Variants in RSU1 observed in about 807,000 individuals in gnomAD.
RSU1 encodes Ras suppressor protein 1.
RSU1 carries 26 observed loss-of-function variants against 31.1 expected under a neutral mutation model. The ratio of observed to expected loss-of-function variants is 0.84; its 90% CI spans 0.61 to 1.16. The LOEUF (loss-of-function observed/expected upper bound fraction) is 1.16, where lower values mean the gene tolerates loss of function less well. Ranked by LOEUF, RSU1 falls within the 50% of genes most tolerant of loss-of-function variation. RSU1 has a pLI of 0.00. For missense variants in RSU1, 320 were observed against 339.1 expected, an observed-to-expected ratio of 0.94 and a Z score of 0.44; for synonymous variants, 164 against 136.3, an observed-to-expected ratio of 1.20 and a Z score of -1.41.
rs148629486 is a variant in RSU1, at chr10:16,807,078, G to A, written c.109+9895C>T. Among the ~76,000 whole-genome samples, 375 of 152,318 alleles carry A rather than the reference G, an allele frequency of 2.5e-3. 2 individuals are homozygous for A. Among genetic ancestry groups the A allele is most frequent in the African/African-American group, 8.6e-3 (359 of 41,574 alleles). ...GGGATTACAGCAGGCATGAGCCACT[G>A]CGCCCAGCCTCACTTACAGCTGTTA... On this transcript the variant is annotated intron_variant, in intron 2 of 8. Transcript: ENST00000345264.
chr10:16,599,444 CCTACAGGAGCCCA>C (rs1250484814), intron 8 of RSU1, among the ~76,000 whole-genome samples: 2 of 152,126 alleles, frequency 1.3e-5, no homozygotes, highest in African/African-American at 4.8e-5. Flanking sequence ...CCTGTCTGGC[CCTACAGGAGCCCA>C]CCACATCCTG....
At position 16,764,668 on chromosome 10, in the gene RSU1, T is replaced by G. The variant is rs1837277510; in HGVS notation, c.161-158A>C. On this transcript the variant is annotated intron_variant, in intron 3 of 8. Transcript: ENST00000345264. ...GTCTTATTTATTTTTTACAGGTTTTTCATAAGCAGTCACTCACTTCTGAGT... is the reference window on the plus strand; with the variant it reads ...GTCTTATTTATTTTTTACAGGTTTTGCATAAGCAGTCACTCACTTCTGAGT... Among the ~76,000 whole-genome samples, 3 of 152,328 alleles carry G rather than the reference T, an allele frequency of 2.0e-5. No homozygotes were observed. The South Asian group carries it at 6.2e-4, about 32-fold the overall frequency.
At chr10:16,809,001 T>TGA in intron 2 of RSU1, among the ~76,000 whole-genome samples, 1 of 152,264 alleles carries the variant, frequency 6.6e-6, no homozygotes, top group East Asian at 1.9e-4. Context: ...ATCTTGAACT[T>TGA]CCAGCCTCCA....
intron 7 of RSU1, among the ~76,000 whole-genome samples, chr10:16,713,406 T>TC (rs904338248): frequency 6.6e-6 from 1 of 152,200 alleles, no homozygotes; most frequent in East Asian, 1.9e-4. Context: ...TATTTTTTTT[T>TC]CCCTCTGACT....
chr10:16,694,687 C>T (rs940452325), intron 8 of RSU1, among the ~76,000 whole-genome samples: 5 of 152,128 alleles, frequency 3.3e-5, no homozygotes, highest in Non-Finnish European at 7.3e-5. Context: ...CCTCCCAACT[C>T]AGCCTCCAGA....
intron 2 of RSU1, among the ~76,000 whole-genome samples, chr10:16,814,801 A>G (rs1431899220): frequency 1.3e-5 from 2 of 150,680 alleles, no homozygotes; most frequent in African/African-American, 2.5e-5. Context: ...TCACCACCCA[A>G]TGTTATACCG....
At chr10:16,791,983 AC>A (rs1564359861) in intron 2 of RSU1, among the ~76,000 whole-genome samples, 1 of 152,200 alleles carries the variant, frequency 6.6e-6, no homozygotes, top group Non-Finnish European at 1.5e-5. Flanking sequence ...AATGGCACTT[AC>A]ATCCAGACAG....
At chr10:16,679,979 T>C (rs977614102) in intron 8 of RSU1, among the ~76,000 whole-genome samples, 3 of 150,132 alleles carry the variant, frequency 2.0e-5, no homozygotes, top group African/African-American at 7.4e-5. Flanking sequence ...CCTCCCAGGT[T>C]CAAGCGATTC....
At chr10:16,766,616 G>A (rs1588521562) in intron 3 of RSU1, among the ~76,000 whole-genome samples, 1 of 152,122 alleles carries the variant, frequency 6.6e-6, no homozygotes, top group South Asian at 2.1e-4. Context: ...TCGGGAAGCT[G>A]AGGCAGGAGA....
chr10:16,684,565 G>C (rs1835403621), intron 8 of RSU1, among the ~76,000 whole-genome samples: 2 of 152,148 alleles, frequency 1.3e-5, no homozygotes, highest in African/African-American at 4.8e-5. Flanking sequence ...ATGATGATGT[G>C]AAGCAGCACA....
intron 7 of RSU1, among the ~76,000 whole-genome samples, chr10:16,698,902 C>T (rs1588722461): frequency 1.3e-5 from 2 of 152,172 alleles, no homozygotes; most frequent in East Asian, 3.8e-4. Flanking sequence ...GGGTTACCCT[C>T]CCCACCCTCA....
intron 8 of RSU1, among the ~76,000 whole-genome samples, chr10:16,674,179 T>C (rs147181449): frequency 6.6e-6 from 1 of 152,260 alleles, no homozygotes; most frequent in Non-Finnish European, 1.5e-5. Context: ...GCCCCCGATA[T>C]TGCCCTTTAA....
Position 16,590,767 on chromosome 10 carries a change from A to C in RSU1, c.*2627T>G, listed in dbSNP as rs903984631. The C allele has an allele frequency of 1.3e-5, 2 of 152,134 alleles. No individual in the cohort carries two copies. The highest frequency in any genetic ancestry group is 1.3e-4 in the Admixed American group (2 of 15,278). The allele number at this position is 152,134 out of a possible 1,614,324, so 9.4% of individuals were successfully genotyped here. A position where few individuals can be genotyped will look rare whatever the true frequency, so the allele number is the denominator to read the frequency against. ...TAACTGCCTTAAAATAATTGTGTTCACCTCTATTTAATTTTTATGCACACG... is the reference window on the plus strand; with the variant it reads ...TAACTGCCTTAAAATAATTGTGTTCCCCTCTATTTAATTTTTATGCACACG... On this transcript the variant is annotated 3_prime_UTR_variant, in exon 9 of 9. Coordinates refer to ENST00000345264, the MANE Select transcript of RSU1 (RefSeq NM_012425.4).
At chr10:16,760,243 C>G (rs998504164) in intron 4 of RSU1, among the ~76,000 whole-genome samples, 1 of 152,218 alleles carries the variant, frequency 6.6e-6, no homozygotes, top group African/African-American at 2.4e-5. Flanking sequence ...GGCGCAGTGG[C>G]TCATGCCTGT....
At chr10:16,778,119 G>T (rs1837573674) in intron 3 of RSU1, among the ~76,000 whole-genome samples, 1 of 148,968 alleles carries the variant, frequency 6.7e-6, no homozygotes, top group South Asian at 2.1e-4. Flanking sequence ...CTCCTGGGTT[G>T]AAGTGATCCT....
intron 7 of RSU1, among the ~76,000 whole-genome samples, chr10:16,725,285 C>G (rs1276632416): frequency 6.6e-6 from 1 of 152,154 alleles, no homozygotes; most frequent in Non-Finnish European, 1.5e-5. Flanking sequence ...GTGGGCAACT[C>G]AAGTTAGCCC....
intron 8 of RSU1, among the ~76,000 whole-genome samples, chr10:16,638,347 C>T (rs766348085): frequency 3.9e-5 from 6 of 152,086 alleles, no homozygotes; most frequent in East Asian, 1.9e-4. Context: ...TTGTGTCTTA[C>T]GCAGATCATC....
At chr10:16,698,214 A>AG (rs1266293425) in intron 7 of RSU1, among the ~76,000 whole-genome samples, 1 of 151,874 alleles carries the variant, frequency 6.6e-6, no homozygotes, top group African/African-American at 2.4e-5. Context: ...TGGGATAATG[A>AG]GGGGAAGAGA....
intron 7 of RSU1, among the ~76,000 whole-genome samples, chr10:16,733,870 C>G (rs560425234): frequency 1.3e-5 from 2 of 152,318 alleles, no homozygotes; most frequent in Admixed American, 1.3e-4. Flanking sequence ...GGGCAACTAA[C>G]TTTTCTGCAT....
Sources: allele counts gnomAD v4.1 joint callset (sites outside exome capture counted in the v4.1 genomes callset), GRCh38; gene constraint gnomAD v4.1.1; transcripts MANE v1.5; gene names NCBI Gene and HGNC (gene_info 2026-07-23, HGNC 2026-07-21).